The following ELAVL1 variants were observed in gnomAD, a reference collection of about 807,000 sequenced individuals.
ELAVL1 encodes ELAV-like protein 1.
Under a neutral mutation model 28.4 loss-of-function variants are expected in ELAVL1, and 1 was observed. The ratio of observed to expected loss-of-function variants is 0.04; its 90% CI spans 0.01 to 0.17. The LOEUF is 0.17. ELAVL1 is among the 10% of genes least tolerant of loss of function. ELAVL1 has a pLI of 1.00. For synonymous variants in ELAVL1, 174 were observed against 183.5 expected, an observed-to-expected ratio of 0.95 and a Z score of 0.42; for missense variants, 157 against 447.2, an observed-to-expected ratio of 0.35 and a Z score of 5.85.
intron 2 of ELAVL1, among the ~76,000 whole-genome samples, chr19:7,990,716 A>C (rs1985728526): frequency 6.6e-6 from 1 of 152,170 alleles, no homozygotes; most frequent in African/African-American, 2.4e-5. Context: ...CCAGGGTGGC[A>C]GACAGAGCCC....
At chr19:7,994,374 C>T (rs1208053032) in intron 1 of ELAVL1, among the ~76,000 whole-genome samples, 1 of 152,186 alleles carries the variant, frequency 6.6e-6, no homozygotes, top group Non-Finnish European at 1.5e-5. Context: ...CACAGGACGG[C>T]CCCACAACCA....
intron 2 of ELAVL1, among the ~76,000 whole-genome samples, chr19:7,990,386 GT>G (rs1985718707): frequency 6.7e-6 from 1 of 148,226 alleles, no homozygotes; most frequent in African/African-American, 2.5e-5. Context: ...CCAGGCTAAA[GT>G]GTAGAAGACA....
chr19:7,995,445 C>G (rs574226264), intron 1 of ELAVL1, among the ~76,000 whole-genome samples: 12 of 152,200 alleles, frequency 7.9e-5, no homozygotes, highest in African/African-American at 2.6e-4. Context: ...TCCTCTAGGT[C>G]TGGGAAAAGT....
intron 2 of ELAVL1, among the ~76,000 whole-genome samples, chr19:7,989,986 T>C (rs965986935): frequency 4.6e-5 from 7 of 152,198 alleles, no homozygotes; most frequent in African/African-American, 1.7e-4. Context: ...TCACTCTATG[T>C]TCATGTATGC....
chr19:8,004,780 A>G (rs2081081133), intron 1 of ELAVL1, among the ~76,000 whole-genome samples: 1 of 152,118 alleles, frequency 6.6e-6, no homozygotes, highest in South Asian at 2.1e-4. Flanking sequence ...TGCACACAGT[A>G]GGGACCAAAA....
Position 7,976,294 on chromosome 19 carries a change from C to T in ELAVL1, c.277-2416G>A, listed in dbSNP as rs549571539. Among the ~76,000 whole-genome samples the T allele has an allele frequency of 8.6e-3, 1,303 of 150,826 alleles. 5 individuals carry two copies. The highest frequency in any genetic ancestry group is 0.017 in the Admixed American group (249 of 15,088). On this transcript the variant is annotated intron_variant, in intron 3 of 5. Transcript: ENST00000407627. Reference sequence around the variant, plus strand: ...GCAGGCGCCTGTAGTCCCAGCTACTCGGGAGGCTGAGGCAGGAGAATGGCG... The same window carrying T: ...GCAGGCGCCTGTAGTCCCAGCTACTTGGGAGGCTGAGGCAGGAGAATGGCG...
At chr19:8,002,083 T>G in intron 1 of ELAVL1, 2 of 1,289,358 alleles carry the variant, frequency 1.6e-6, no homozygotes, top group Non-Finnish European at 2.0e-6. Context: ...CTCTGCCCAG[T>G]GGACACCTGA....
intron 2 of ELAVL1, among the ~76,000 whole-genome samples, chr19:7,983,094 A>G (rs1985506382): frequency 6.6e-6 from 1 of 152,222 alleles, no homozygotes; most frequent in Non-Finnish European, 1.5e-5. Context: ...CTGACGTAGC[A>G]GCTATAGAAA....
At chr19:7,975,333 G>A (rs763534875) in intron 3 of ELAVL1, among the ~76,000 whole-genome samples, 19 of 152,212 alleles carry the variant, frequency 1.2e-4, no homozygotes, top group South Asian at 2.1e-4. Context: ...ACCTACTGCC[G>A]TCCCTGGATG....
chr19:7,999,419 T>C (rs1313767214), intron 1 of ELAVL1, among the ~76,000 whole-genome samples: 2 of 152,214 alleles, frequency 1.3e-5, no homozygotes, highest in East Asian at 3.8e-4. Flanking sequence ...AACAGGTTAC[T>C]TACTCTAGTT....
At chr19:7,964,796 T>G (rs1237678103) in intron 5 of ELAVL1, among the ~76,000 whole-genome samples, 1 of 152,250 alleles carries the variant, frequency 6.6e-6, no homozygotes, top group Non-Finnish European at 1.5e-5. Flanking sequence ...TAAAGCTATG[T>G]TTCCCTCTGG....
chr19:7,971,615 C>A (rs1568308860), intron 4 of ELAVL1, among the ~76,000 whole-genome samples: 1 of 152,252 alleles, frequency 6.6e-6, no homozygotes, highest in East Asian at 1.9e-4. Context: ...CTGGCATCCC[C>A]CGACCCTCTC....
chr19:7,990,513 C>G (rs368515389), intron 2 of ELAVL1, among the ~76,000 whole-genome samples: 1 of 149,748 alleles, frequency 6.7e-6, no homozygotes, highest in African/African-American at 2.5e-5. Context: ...ACCACAGATG[C>G]GGGCCACCAC....
In ELAVL1 at chr19:7,981,625, C is replaced by A. The variant is rs1033573079; in HGVS notation, c.173-439G>T. ...TCCTCCCACCTCGGCCCCACCTCGA[C>A]CTCCCAAAGTGTTGGGATTACAGAT... On this transcript the variant is annotated intron_variant, in intron 2 of 5. Transcript: ENST00000407627. This position sits in a 1 kb window ranked among gnomAD's most constrained non-coding sequence, Gnocchi z 4.2. Among the ~76,000 whole-genome samples the A allele has an allele frequency of 1.3e-5, 2 of 152,168 alleles. No individual in the cohort carries two copies. The highest frequency in any genetic ancestry group is 2.9e-5 in the Non-Finnish European group (2 of 68,034).
At chr19:8,002,970 G>A (rs1250847563) in intron 1 of ELAVL1, among the ~76,000 whole-genome samples, 1 of 152,188 alleles carries the variant, frequency 6.6e-6, no homozygotes, top group East Asian at 1.9e-4. Context: ...ACAATTAGAT[G>A]TGCATTTACA....
chr19:8,002,006 G>A, intron 1 of ELAVL1: 1 of 1,275,634 alleles, frequency 7.8e-7, no homozygotes, highest in Non-Finnish European at 1.0e-6. Context: ...CTCTCCACCA[G>A]GGTGAGCAGT....
chr19:7,975,894 CA>C (rs1301893037), intron 3 of ELAVL1, among the ~76,000 whole-genome samples: 2 of 151,934 alleles, frequency 1.3e-5, no homozygotes, highest in Non-Finnish European at 2.9e-5. Context: ...CGCTTGAACC[CA>C]AGAGTTCAGC....
rs1157327494 is a variant in ELAVL1 at position 7,959,782 on chromosome 19, C to T, written c.*3701G>A. 3 of 151,966 alleles carry T rather than the reference C, an allele frequency of 2.0e-5. No individual in the cohort carries two copies. Among genetic ancestry groups the T allele is most frequent in the Admixed American group, 2.0e-4 (3 of 15,238 alleles). The allele number at this position is 151,966 out of a possible 1,614,324, so 9.4% of individuals were successfully genotyped here. On this transcript the variant is annotated 3_prime_UTR_variant, in exon 6 of 6. Transcript: ENST00000407627. ...AGGGCTGTCTTGCGAAGTTTGGGGA[C>T]AGGAACCCCTGACCCCCAGAGTCAG...
intron 1 of ELAVL1, among the ~76,000 whole-genome samples, chr19:8,004,967 G>A (rs1158214807): frequency 1.3e-5 from 2 of 152,120 alleles, no homozygotes. Context: ...AAAAAAAGAT[G>A]CAGTTTAGAT....
Sources: allele counts gnomAD v4.1 joint callset (sites outside exome capture counted in the v4.1 genomes callset), GRCh38; gene constraint gnomAD v4.1.1; non-coding constraint Gnocchi (gnomAD v3.1); transcripts MANE v1.5; gene names NCBI Gene and HGNC (gene_info 2026-07-23, HGNC 2026-07-21).